The following ZDHHC23 variants were observed in gnomAD, a reference collection of about 807,000 sequenced individuals.
The protein encoded by ZDHHC23 is palmitoyltransferase ZDHHC23.
ZDHHC23 carries 41 observed loss-of-function variants against 40.2 expected under a neutral mutation model. The observed-to-expected ratio is 1.02, with a 90% CI of 0.79 to 1.32. The LOEUF is 1.32. Among genes scored for constraint, ZDHHC23 ranks in the 40% most tolerant of loss-of-function variants. The probability of loss-of-function intolerance (pLI) is 0.00; values close to 1 mark genes in which losing one functional copy is unlikely to be tolerated. For missense variants in ZDHHC23, 471 were observed against 541.5 expected (o/e 0.87, Z 1.29); for synonymous variants, 204 against 210.2 (o/e 0.97, Z 0.26).
Position 113,948,735 on chromosome 3 carries a change from G to C in ZDHHC23, c.-68G>C, listed in dbSNP as rs947899938. The C allele has an allele frequency of 4.4e-6, 7 of 1,585,696 alleles. No individual in the cohort carries two copies. Among genetic ancestry groups the C allele is most frequent in the Non-Finnish European group, 6.0e-6 (7 of 1,158,450 alleles). On this transcript the variant is annotated 5_prime_UTR_variant, in exon 2 of 5. The change abolishes an upstream ATG in the 5' untranslated region. Coordinates refer to ENST00000638807, the MANE Select transcript of ZDHHC23 (RefSeq NM_001320466.2). ...AGAGGCGTGGACCTATTTACGAGAT[G>C]TAAGTTGTGTTCTTTCCACCTTTAC...
downstream of ZDHHC23, among the ~76,000 whole-genome samples, chr3:113,968,546 T>G (rs1009393638): frequency 6.6e-6 from 1 of 151,726 alleles, no homozygotes; most frequent in Non-Finnish European, 1.5e-5. Flanking sequence ...CCTCCTGGAC[T>G]CAAGAGATCC....
At chr3:113,978,982 A>G in the ZDHHC23 span, 15 of 1,613,992 alleles carry the variant, frequency 9.3e-6, no homozygotes, top group Non-Finnish European at 1.2e-5. Context: ...TTTCCTCTGC[A>G]GGAACAAAGA....
Position 113,960,322 on chromosome 3 carries a change from C to A in ZDHHC23, c.*1692C>A. The A allele has an allele frequency of 9.5e-7, 1 of 1,056,222 alleles. No individual in the cohort carries two copies. The highest frequency in any genetic ancestry group is 1.1e-6 in the Non-Finnish European group (1 of 875,472). 65.4% of individuals were successfully genotyped at this position (1,056,222 alleles called of 1,614,324 possible). A position where few individuals can be genotyped will look rare whatever the true frequency, so the allele number is the denominator to read the frequency against. On this transcript the variant is annotated 3_prime_UTR_variant, in exon 5 of 5. Coordinates refer to ENST00000638807, the MANE Select transcript of ZDHHC23 (RefSeq NM_001320466.2). ...TGTTTAACGAATGATAGGCTCTGTG[C>A]CTGGGGATGTTAGCAGACTCTGGGG...
downstream of ZDHHC23, among the ~76,000 whole-genome samples, chr3:113,966,032 A>C (rs1211413400): frequency 6.6e-6 from 1 of 152,148 alleles, no homozygotes; most frequent in East Asian, 1.9e-4. Context: ...TATTGTACCC[A>C]TGCCAGGACC....
At chr3:113,965,520 A>G, downstream of ZDHHC23, 1 of 411,566 alleles carries the variant, frequency 2.4e-6, no homozygotes, top group Non-Finnish European at 4.2e-6. Flanking sequence ...AAATGCTGTG[A>G]AAAAAATAAG....
downstream of ZDHHC23, among the ~76,000 whole-genome samples, chr3:113,966,111 A>C (rs1294141682): frequency 6.6e-6 from 1 of 152,190 alleles, no homozygotes; most frequent in Middle Eastern, 3.2e-3. Context: ...TGCGTGCAGA[A>C]TGTGCCAAAG....
intron 1 of ZDHHC23, 134 bp from the exon 2 acceptor site, chr3:113,948,552 G>A: frequency 4.9e-6 from 2 of 411,200 alleles, no homozygotes; most frequent in South Asian, 4.3e-5. Context: ...CGCCTGCCCA[G>A]GCTGGGAAGG....
Position 113,948,699 on chromosome 3 carries a change from A to G in ZDHHC23, c.-104A>G. On this transcript the variant is annotated 5_prime_UTR_variant, in exon 2 of 5. Coordinates refer to ENST00000638807, the MANE Select transcript of ZDHHC23 (RefSeq NM_001320466.2). ...TTGATTGCTCAGGCGTTGGAGGTTA[A>G]GCAGAGAGAGAGAGGCGTGGACCTA... 2.2e-6 allele frequency: 3 copies of G among 1,371,680 alleles called. No individual in the cohort carries two copies. The highest frequency in any genetic ancestry group is 4.1e-5 in the Admixed American group (2 of 48,744). The allele number at this position is 1,371,680 out of a possible 1,614,324, so 85.0% of individuals were successfully genotyped here.
intron 4 of ZDHHC23, chr3:113,957,854 A>G (rs769981826): frequency 3.9e-6 from 2 of 517,860 alleles, no homozygotes; most frequent in African/African-American, 1.9e-5. Context: ...ACATCCAGGT[A>G]AGCACAGGGC....
downstream of ZDHHC23, chr3:113,964,958 A>G (rs1025425451): frequency 1.5e-5 from 6 of 399,364 alleles, no homozygotes; most frequent in Admixed American, 4.4e-5. Context: ...TCCCACTGTG[A>G]TAAATGCTAT....
chr3:113,978,050 G>A, the ZDHHC23 span: 2 of 876,274 alleles, frequency 2.3e-6, no homozygotes, highest in African/African-American at 3.3e-5. Context: ...GGTGAGCCGG[G>A]ACTCCCACCC....
chr3:113,972,983 T>C, the ZDHHC23 span, among the ~76,000 whole-genome samples: 2 of 152,154 alleles, frequency 1.3e-5, no homozygotes, highest in Non-Finnish European at 2.9e-5. Context: ...CAGCATACAG[T>C]TGGATCTTGT....
intron 3 of ZDHHC23, among the ~76,000 whole-genome samples, chr3:113,954,854 G>A (rs764295853): frequency 1.4e-4 from 21 of 152,176 alleles, no homozygotes; most frequent in Middle Eastern, 3.4e-3. Context: ...ATACTTAATC[G>A]TTTTTGATGC....
intron 4 of ZDHHC23, chr3:113,957,615 G>T: frequency 6.7e-6 from 3 of 446,496 alleles, no homozygotes; most frequent in South Asian, 4.8e-5. Flanking sequence ...TCATCTTTTT[G>T]GTTAGGTCCT....
In ZDHHC23 at chr3:113,956,513, AGTGGGTAC is replaced by A; in HGVS notation, c.1040+8_1040+15del. On this transcript the variant is annotated splice_region_variant and intron_variant, in intron 4 of 4. Transcript: ENST00000638807. ...GAGTTTATGCAAATTACAGGTGAGCAGTGGGTACCACAGTATGGAGGCCCCCTGGGAAG... is the reference window on the plus strand; with the variant it reads ...GAGTTTATGCAAATTACAGGTGAGCACACAGTATGGAGGCCCCCTGGGAAG... 1 of 1,611,950 alleles carries A rather than the reference AGTGGGTAC, an allele frequency of 6.2e-7. No individual in the cohort carries two copies. The highest frequency in any genetic ancestry group is 8.5e-7 in the Non-Finnish European group (1 of 1,179,174).
At chr3:113,954,557 C>A in intron 3 of ZDHHC23, 147 bp downstream of exon 3, 1 of 729,416 alleles carries the variant, frequency 1.4e-6, no homozygotes, top group Non-Finnish European at 2.1e-6. Flanking sequence ...GATGTTCCCA[C>A]TTAGTCATCA....
chr3:113,965,264 C>T, downstream of ZDHHC23: 1 of 1,611,302 alleles, frequency 6.2e-7, no homozygotes, highest in Non-Finnish European at 8.5e-7. Context: ...AACTACCTTC[C>T]TACGAAGTTG....
At chr3:113,974,891 T>TATG in the ZDHHC23 span, among the ~76,000 whole-genome samples, 1 of 152,194 alleles carries the variant, frequency 6.6e-6, no homozygotes, top group Non-Finnish European at 1.5e-5. Flanking sequence ...TCTAATCTTT[T>TATG]ATGTTTTCTA....
chr3:113,960,578 C>T lies in ZDHHC23; in HGVS notation c.*1948C>T. ...CATACAAATTGATAGAAACATTAGTCAGTAATTTTAGCTTCTTGCCAAATT... is the reference window on the plus strand; with the variant it reads ...CATACAAATTGATAGAAACATTAGTTAGTAATTTTAGCTTCTTGCCAAATT... On this transcript the variant is annotated 3_prime_UTR_variant, in exon 5 of 5. Transcript: ENST00000638807. 6.6e-7 allele frequency: 1 copy of T among 1,514,712 alleles called. No individual in the cohort carries two copies. Among genetic ancestry groups the T allele is most frequent in the South Asian group, 1.3e-5 (1 of 75,758 alleles). The allele number at this position is 1,514,712 out of a possible 1,614,324, so 93.8% of individuals were successfully genotyped here.
Sources: allele counts gnomAD v4.1 joint callset (sites outside exome capture counted in the v4.1 genomes callset), GRCh38; gene constraint gnomAD v4.1.1; transcripts MANE v1.5; gene names NCBI Gene and HGNC (gene_info 2026-07-23, HGNC 2026-07-21).